The following SAMD12 variants were observed in gnomAD, a reference collection of about 807,000 sequenced individuals.
The protein encoded by SAMD12 is sterile alpha motif domain-containing protein 12.
In SAMD12, 9 loss-of-function variants were observed where a neutral mutation model predicts 15.0. The observed-to-expected ratio is 0.60, with a 90% CI of 0.36 to 1.05. The LOEUF is 1.05. Among genes scored for constraint, SAMD12 ranks in the 50% least tolerant of loss-of-function variants. The pLI, the probability that SAMD12 is intolerant of heterozygous loss-of-function variation, is 0.01. For synonymous variants in SAMD12, 86 were observed against 90.1 expected (o/e 0.96, Z 0.25); for missense variants, 230 against 234.2 (o/e 0.98, Z 0.12).
intron 2 of SAMD12, among the ~76,000 whole-genome samples, chr8:118,528,350 T>C (rs1164804799): frequency 1.3e-5 from 2 of 152,190 alleles, no homozygotes; most frequent in Admixed American, 6.5e-5. Flanking sequence ...ACTTGTATCA[T>C]GTTTTGTGAT....
intron 3 of SAMD12, among the ~76,000 whole-genome samples, chr8:118,411,001 G>A (rs1821382214): frequency 1.3e-5 from 2 of 152,260 alleles, no homozygotes; most frequent in Admixed American, 6.5e-5. Flanking sequence ...TGAGGAAAAT[G>A]TCATCAGTAA....
rs540355786 is a variant in SAMD12, at chr8:118,454,168, T to C, written c.193-14207A>G. ...GGGGTAAACATTCTCAGTCCCTGCA[T>C]GTCAGAAAAAGTCTTTATTCTACCT... On this transcript the variant is annotated intron_variant, in intron 2 of 3. Coordinates refer to ENST00000314727, the MANE Select transcript of SAMD12 (RefSeq NM_207506.3). Among the ~76,000 whole-genome samples the C allele has an allele frequency of 2.2e-4, 34 of 152,316 alleles. No individual in the cohort carries two copies. The Middle Eastern group carries it at 0.01, about 46-fold the overall frequency.
downstream of SAMD12, among the ~76,000 whole-genome samples, chr8:118,189,002 T>C (rs1460821916): frequency 6.6e-6 from 1 of 152,044 alleles, no homozygotes; most frequent in Non-Finnish European, 1.5e-5. Context: ...GAGCAGGAGG[T>C]GCTGGGAAAT....
At chr8:118,585,687 A>C (rs1164137775) in intron 1 of SAMD12, among the ~76,000 whole-genome samples, 2 of 152,216 alleles carry the variant, frequency 1.3e-5, no homozygotes, top group Non-Finnish European at 2.9e-5. Context: ...TTTTCCTGGA[A>C]AGGAAATGTT....
At chr8:118,241,299 C>T (rs576541734) in intron 4 of SAMD12, among the ~76,000 whole-genome samples, 1 of 152,028 alleles carries the variant, frequency 6.6e-6, no homozygotes, top group Non-Finnish European at 1.5e-5. Context: ...AATGGCTTAC[C>T]TTGAAAACCA....
chr8:118,257,788 A>C (rs1356540564), intron 4 of SAMD12, among the ~76,000 whole-genome samples: 1 of 152,120 alleles, frequency 6.6e-6, no homozygotes, highest in South Asian at 2.1e-4. Flanking sequence ...GGGACTGTCA[A>C]GACCAGTCAT....
the SAMD12 span, among the ~76,000 whole-genome samples, chr8:118,179,424 T>G: frequency 3.4e-5 from 4 of 118,692 alleles, no homozygotes; most frequent in Admixed American, 2.0e-4. Context: ...GCAACAAGAG[T>G]GAAACTCCGT....
intron 2 of SAMD12, among the ~76,000 whole-genome samples, chr8:118,566,185 C>G (rs1826840702): frequency 6.6e-6 from 1 of 151,210 alleles, no homozygotes; most frequent in African/African-American, 2.5e-5. Context: ...CCACGATGAT[C>G]TTCTTTCTTT....
chr8:118,582,716 C>T (rs1040057596), intron 1 of SAMD12, among the ~76,000 whole-genome samples: 1 of 152,116 alleles, frequency 6.6e-6, no homozygotes, highest in Non-Finnish European at 1.5e-5. Flanking sequence ...GCATACTATA[C>T]TGGTGTGTAC....
intron 4 of SAMD12, among the ~76,000 whole-genome samples, chr8:118,200,285 C>G (rs1417280845): frequency 6.6e-6 from 1 of 151,364 alleles, no homozygotes; most frequent in Non-Finnish European, 1.5e-5. Flanking sequence ...TAGTGACATA[C>G]AGGAGTGATA....
intron 2 of SAMD12, among the ~76,000 whole-genome samples, chr8:118,458,618 A>T (rs778763927): frequency 5.9e-5 from 9 of 151,992 alleles, no homozygotes; most frequent in Non-Finnish European, 1.0e-4. Flanking sequence ...CCATTACATT[A>T]TTTTTCTGTA....
chr8:118,349,302 G>C (rs1342276620), intron 4 of SAMD12, among the ~76,000 whole-genome samples: 2 of 152,244 alleles, frequency 1.3e-5, no homozygotes, highest in Non-Finnish European at 2.9e-5. Flanking sequence ...TGAAAAGTCA[G>C]CTGTGTCATC....
chr8:118,476,029 C>G (rs954808460), intron 2 of SAMD12, among the ~76,000 whole-genome samples: 1 of 152,184 alleles, frequency 6.6e-6, no homozygotes, highest in East Asian at 1.9e-4. Flanking sequence ...TAGTATAAAA[C>G]ATCTGCTACA....
intron 1 of SAMD12, among the ~76,000 whole-genome samples, chr8:118,587,142 C>A (rs1447951454): frequency 6.6e-6 from 1 of 152,136 alleles, no homozygotes; most frequent in Non-Finnish European, 1.5e-5. Flanking sequence ...CTCCAATCCC[C>A]ACCATTAGTT....
chr8:118,336,740 T>C (rs1817092976), intron 4 of SAMD12, among the ~76,000 whole-genome samples: 1 of 152,198 alleles, frequency 6.6e-6, no homozygotes, highest in South Asian at 2.1e-4. Flanking sequence ...CTATTCATAT[T>C]AGCAAAGACT....
chr8:118,249,280 C>T (rs1380845797), intron 4 of SAMD12, among the ~76,000 whole-genome samples: 2 of 152,104 alleles, frequency 1.3e-5, no homozygotes, highest in Non-Finnish European at 2.9e-5. Context: ...CATTACTGCT[C>T]ATTGTGATCC....
chr8:118,286,179 A>T (rs1402640586), intron 4 of SAMD12, among the ~76,000 whole-genome samples: 8 of 83,002 alleles, frequency 9.6e-5, no homozygotes, highest in South Asian at 9.1e-4. Flanking sequence ...GGGTGAGGGG[A>T]GGGGGGAGGG....
At chr8:118,489,989 G>C (rs1366651808) in intron 2 of SAMD12, among the ~76,000 whole-genome samples, 1 of 152,052 alleles carries the variant, frequency 6.6e-6, no homozygotes, top group East Asian at 1.9e-4. Flanking sequence ...TATGAGGGAG[G>C]AATGTTCCTC....
rs190576744 is a variant in SAMD12, at chr8:118,593,427, A to G, written c.14-12534T>C. Among the ~76,000 whole-genome samples the G allele has an allele frequency of 2.2e-3, 341 of 152,316 alleles. 2 individuals carry two copies. Among genetic ancestry groups the G allele is most frequent in the African/African-American group, 7.7e-3 (322 of 41,582 alleles). On this transcript the variant is annotated intron_variant, in intron 1 of 3. Transcript: ENST00000314727. ...AGGTGGTATTACTAATAACAGCTCA[A>G]TACTTCTGAATGTACCTTGGTCCAT...
Sources: gnomAD v4.1 joint callset for allele counts (sites outside exome capture counted in the v4.1 genomes callset) on GRCh38, gnomAD v4.1.1 for gene constraint, MANE v1.5 for transcripts, NCBI Gene and HGNC (gene_info 2026-07-23, HGNC 2026-07-21) for gene names.